Variants in SMN2 observed in about 807,000 individuals in gnomAD.
SMN2 encodes survival of motor neuron 2, centromeric.
SMN2 carries 1 observed loss-of-function variant against 2.8 expected under a neutral mutation model. That is an observed-to-expected ratio of 0.35 (90% CI 0.13 to 1.68). The LOEUF is 1.68. Ranked by LOEUF, SMN2 falls within the 40% of genes most tolerant of loss-of-function variation. SMN2 has a pLI of 0.35. For missense variants in SMN2, 12 were observed against 16.9 expected (o/e 0.71, Z 0.51); for synonymous variants, 5 against 5.0 (o/e 0.99, Z 0.01).
At chr5:70,071,088 C>CTTT (rs1164147978) in intron 7 of SMN2, 29 of 52,064 alleles carry the variant, frequency 5.6e-4, no homozygotes, top group South Asian at 1.1e-3. Context: ...AAATGAAATT[C>CTTT]TTTTTTTTTT....
chr5:70,088,476 C>T, the SMN2 span, among the ~76,000 whole-genome samples: 3 of 59,170 alleles, frequency 5.1e-5, no homozygotes, highest in Non-Finnish European at 5.3e-5. Context: ...CTTGCTCTGT[C>T]GCCCAGGCTG....
downstream of SMN2, among the ~76,000 whole-genome samples, chr5:70,079,615 G>C (rs1434529396): frequency 7.4e-6 from 1 of 135,820 alleles, no homozygotes; most frequent in Non-Finnish European, 1.5e-5. Flanking sequence ...GAATTAGCAA[G>C]GCATGGTGGT....
At chr5:70,079,427 G>A (rs1293941348), downstream of SMN2, among the ~76,000 whole-genome samples, 249 of 96,578 alleles carry the variant, frequency 2.6e-3, no homozygotes, top group East Asian at 0.057. Context: ...GCGAGACTCC[G>A]TCTCAAAAAA....
chr5:70,084,043 G>A, the SMN2 span, among the ~76,000 whole-genome samples: 12 of 87,920 alleles, frequency 1.4e-4, no homozygotes, highest in South Asian at 2.6e-3. Context: ...TTACAGATGT[G>A]TACCACGCTT....
chr5:70,052,327 GGTCA>G (rs1774463479), intron 1 of SMN2, among the ~76,000 whole-genome samples: 1 of 46,306 alleles, frequency 2.2e-5, no homozygotes, highest in South Asian at 9.9e-4. Context: ...CAGATCACAA[GGTCA>G]GGAGTTCGAG....
intron 7 of SMN2, among the ~76,000 whole-genome samples, chr5:70,071,682 AT>A (rs1175361831): frequency 2.9e-4 from 43 of 149,034 alleles, no homozygotes; most frequent in African/African-American, 9.8e-4. Flanking sequence ...CGCCCGGCTA[AT>A]TTTTTTTTAT....
At chr5:70,083,882 G>A in the SMN2 span, among the ~76,000 whole-genome samples, 267 of 129,432 alleles carry the variant, frequency 2.1e-3, 16 homozygotes, top group African/African-American at 8.9e-3. Context: ...CAGCACACCA[G>A]CATGGCACAT....
At chr5:70,080,203 C>T (rs1452451449), downstream of SMN2, among the ~76,000 whole-genome samples, 2 of 131,180 alleles carry the variant, frequency 1.5e-5, no homozygotes, top group East Asian at 2.2e-4. Flanking sequence ...TGGTGGTGGG[C>T]GCCTGTGATC....
chr5:70,085,245 A>T, the SMN2 span, among the ~76,000 whole-genome samples: 77 of 120,724 alleles, frequency 6.4e-4, 7 homozygotes, highest in South Asian at 7.6e-3. Context: ...ATCACTATTT[A>T]TTATTATATT....
chr5:70,070,541 C>T (rs1774561179), intron 6 of SMN2, 100 bp from the exon 7 acceptor site: 1 of 5,266 alleles, frequency 1.9e-4, no homozygotes. Context: ...ATTATATAAG[C>T]AAAAATACAA....
the SMN2 span, among the ~76,000 whole-genome samples, chr5:70,083,958 A>C: frequency 8.6e-6 from 1 of 116,142 alleles, no homozygotes; most frequent in Admixed American, 8.7e-5. Context: ...ATAATAATAA[A>C]ATAAAATAAG....
At chr5:70,082,163 A>AT (rs1258194909), downstream of SMN2, among the ~76,000 whole-genome samples, 1 of 126,426 alleles carries the variant, frequency 7.9e-6, no homozygotes, top group Non-Finnish European at 1.6e-5. Flanking sequence ...GCTGGATTAC[A>AT]TTTATTGATT....
At chr5:70,084,477 G>A in the SMN2 span, among the ~76,000 whole-genome samples, 6 of 135,820 alleles carry the variant, frequency 4.4e-5, no homozygotes, top group South Asian at 2.3e-4. Context: ...ATGAGCCACC[G>A]TGCCCGACCT....
downstream of SMN2, among the ~76,000 whole-genome samples, chr5:70,081,182 C>T (rs1189547159): frequency 4.3e-5 from 5 of 115,754 alleles, 1 homozygote; most frequent in East Asian, 1.0e-3. Context: ...AGATATGCGG[C>T]GTTATTTCTG....
At chr5:70,071,781 A>G (rs1381828796) in intron 7 of SMN2, among the ~76,000 whole-genome samples, 1 of 151,420 alleles carries the variant, frequency 6.6e-6, no homozygotes, top group Non-Finnish European at 1.5e-5. Flanking sequence ...TGGGATTACA[A>G]GCGTGAGCCA....
At chr5:70,070,367 G>A (rs1443317123) in intron 6 of SMN2, among the ~76,000 whole-genome samples, 10 of 30,532 alleles carry the variant, frequency 3.3e-4, no homozygotes, top group Non-Finnish European at 5.9e-4. Flanking sequence ...TGCTAGCTAT[G>A]TTAAGAAATT....
In SMN2 at chr5:70,075,954, A is replaced by G. The variant is rs1774738429; in HGVS notation, c.835-567A>G. ...CTGCAGCCTCCGCCTCCTGGGTTCAAGTGATTCTCCTGCCTCAACCTCCCA... is the reference window on the plus strand; with the variant it reads ...CTGCAGCCTCCGCCTCCTGGGTTCAGGTGATTCTCCTGCCTCAACCTCCCA... On this transcript the variant is annotated intron_variant, in intron 7 of 8. Transcript: ENST00000380743. Among the ~76,000 whole-genome samples, 2 of 125,118 alleles carry G rather than the reference A, an allele frequency of 1.6e-5. 1 individual carries two copies. The highest frequency in any genetic ancestry group is 7.3e-5 in the African/African-American group (2 of 27,528). 82.1% of individuals were successfully genotyped at this position (125,118 alleles called of 152,430 possible).
the SMN2 span, among the ~76,000 whole-genome samples, chr5:70,084,870 A>G: frequency 1.3e-3 from 171 of 136,506 alleles, 26 homozygotes; most frequent in Non-Finnish European, 1.8e-3. Context: ...GTAACCTAAC[A>G]TCAATACTCA....
the SMN2 span, among the ~76,000 whole-genome samples, chr5:70,083,825 A>G: frequency 1.5e-5 from 2 of 132,802 alleles, 1 homozygote; most frequent in African/African-American, 6.8e-5. Flanking sequence ...GTGGGGAGGG[A>G]TAGCATTAGG....
Sources: allele counts gnomAD v4.1 joint callset (sites outside exome capture counted in the v4.1 genomes callset), GRCh38; gene constraint gnomAD v4.1.1; transcripts MANE v1.5; gene names NCBI Gene and HGNC (gene_info 2026-07-23, HGNC 2026-07-21).